The following BLTP3B variants were observed in gnomAD, a reference collection of about 807,000 sequenced individuals.
BLTP3B encodes UHRF1 (ICBP90) binding protein 1-like.
chr12:100,113,245 G>A, the BLTP3B span, among the ~76,000 whole-genome samples: 2 of 152,044 alleles, frequency 1.3e-5, no homozygotes, highest in Admixed American at 1.3e-4. Context: ...GGAGGCTGAG[G>A]TGGCTGGATC....
chr12:100,086,546 T>C, the BLTP3B span, among the ~76,000 whole-genome samples: 1 of 152,172 alleles, frequency 6.6e-6, no homozygotes, highest in Non-Finnish European at 1.5e-5. Context: ...CCCTCATTTG[T>C]AAGGCACCAG....
chr12:100,040,263 G>A, the BLTP3B span, among the ~76,000 whole-genome samples: 12 of 152,198 alleles, frequency 7.9e-5, no homozygotes, highest in African/African-American at 2.9e-4. Context: ...AGGCACAGTG[G>A]CTCATGTCTG....
At chr12:100,088,960 GAGA>G in the BLTP3B span, 1 of 1,584,056 alleles carries the variant, frequency 6.3e-7, no homozygotes, top group Admixed American at 1.8e-5. Flanking sequence ...AGATCTAGAT[GAGA>G]AATCACTAAA....
the BLTP3B span, among the ~76,000 whole-genome samples, chr12:100,048,781 T>A: frequency 4.0e-5 from 6 of 148,530 alleles, no homozygotes; most frequent in African/African-American, 1.3e-4. Context: ...AGTGTGTGTG[T>A]GTGTGTGTGT....
At chr12:100,131,035 AAG>A in the BLTP3B span, among the ~76,000 whole-genome samples, 1 of 69,798 alleles carries the variant, frequency 1.4e-5, no homozygotes, top group Non-Finnish European at 3.3e-5. Flanking sequence ...GAGAGAGAGA[AAG>A]AGTTTTTTGC....
the BLTP3B span, among the ~76,000 whole-genome samples, chr12:100,085,300 C>A: frequency 1.3e-5 from 2 of 151,340 alleles, no homozygotes; most frequent in African/African-American, 4.9e-5. Flanking sequence ...AAGGTCGAGG[C>A]TGTAGTGAGC....
chr12:100,096,665 A>T, the BLTP3B span, among the ~76,000 whole-genome samples: 1 of 151,940 alleles, frequency 6.6e-6, no homozygotes, highest in Admixed American at 6.6e-5. Flanking sequence ...CAAAAAAAAA[A>T]TAAAAATAAG....
chr12:100,120,543 A>G, the BLTP3B span, among the ~76,000 whole-genome samples: 3 of 152,204 alleles, frequency 2.0e-5, no homozygotes, highest in Non-Finnish European at 2.9e-5. Flanking sequence ...ATCCACTAAA[A>G]TAGCTAAAAT....
the BLTP3B span, among the ~76,000 whole-genome samples, chr12:100,106,426 TA>T: frequency 1.2e-4 from 18 of 152,184 alleles, no homozygotes; most frequent in East Asian, 5.8e-4. Flanking sequence ...TACTCAGCCA[TA>T]AAAAAAGAGC....
At chr12:100,084,933 T>C in the BLTP3B span, among the ~76,000 whole-genome samples, 1 of 152,130 alleles carries the variant, frequency 6.6e-6, no homozygotes, top group African/African-American at 2.4e-5. Context: ...ATATGACTCG[T>C]CACCCTTCAC....
the BLTP3B span, among the ~76,000 whole-genome samples, chr12:100,120,679 T>C: frequency 6.6e-6 from 1 of 152,180 alleles, no homozygotes; most frequent in Non-Finnish European, 1.5e-5. Context: ...GAATTTGTTT[T>C]TAAAGTGATG....
the BLTP3B span, among the ~76,000 whole-genome samples, chr12:100,125,091 G>T: frequency 1.9e-3 from 288 of 148,516 alleles, 2 homozygotes; most frequent in African/African-American, 6.8e-3. Context: ...CAGCACTCTG[G>T]GAGGCCGAGA....
At chr12:100,136,937 G>A in the BLTP3B span, among the ~76,000 whole-genome samples, 977 of 151,916 alleles carry the variant, frequency 6.4e-3, 9 homozygotes, top group African/African-American at 0.022. Flanking sequence ...TCAGCCTCCC[G>A]AGTAGCTGGG....
chr12:100,109,767 G>GA, the BLTP3B span, among the ~76,000 whole-genome samples: 269 of 111,522 alleles, frequency 2.4e-3, 1 homozygote, highest in South Asian at 4.9e-3. Flanking sequence ...CCCTGTCTCA[G>GA]AAAAAAAAAA....
the BLTP3B span, among the ~76,000 whole-genome samples, chr12:100,087,953 T>C: frequency 2.0e-5 from 3 of 152,174 alleles, no homozygotes; most frequent in African/African-American, 4.8e-5. Flanking sequence ...AATGACACAA[T>C]GGTAGTCAGA....
the BLTP3B span, among the ~76,000 whole-genome samples, chr12:100,105,021 C>T: frequency 2.6e-5 from 4 of 151,968 alleles, no homozygotes; most frequent in East Asian, 1.9e-4. Flanking sequence ...ATCCCATACT[C>T]GTGGACTGGA....
the BLTP3B span, chr12:100,037,621 T>A: frequency 6.2e-7 from 1 of 1,607,098 alleles, no homozygotes; most frequent in Admixed American, 1.7e-5. Context: ...ATTTCAGTTT[T>A]GACTGCCACT....
the BLTP3B span, among the ~76,000 whole-genome samples, chr12:100,106,825 AAAAGTGACCATC>A: frequency 6.6e-6 from 1 of 152,204 alleles, no homozygotes; most frequent in African/African-American, 2.4e-5. Flanking sequence ...AACAAAAATT[AAAAGTGACCATC>A]AAAGGATATA....
chr12:100,094,697 A>G, the BLTP3B span, among the ~76,000 whole-genome samples: 3 of 152,280 alleles, frequency 2.0e-5, no homozygotes, highest in Admixed American at 2.0e-4. Flanking sequence ...TCTCTAACAA[A>G]ATTACAAAAC....
Sources: gnomAD v4.1 joint callset for allele counts (sites outside exome capture counted in the v4.1 genomes callset) on GRCh38, gnomAD v4.1.1 for gene constraint, MANE v1.5 for transcripts, NCBI Gene and HGNC (gene_info 2026-07-23, HGNC 2026-07-21) for gene names.